RARB: variants seen among roughly 807,000 people sequenced by gnomAD.
RARB encodes the protein HBV-activated protein.
In RARB, 17 loss-of-function variants were observed where a neutral mutation model predicts 51.9. That is an observed-to-expected ratio of 0.33 (90% CI 0.22 to 0.49). RARB has a LOEUF of 0.49. RARB is among the 20% of genes least tolerant of loss of function. The pLI is 0.99. For missense variants in RARB, 369 were observed against 550.8 expected, an observed-to-expected ratio of 0.67 and a Z score of 3.30; for synonymous variants, 215 against 195.4, an observed-to-expected ratio of 1.10 and a Z score of -0.84.
intron 2 of RARB, among the ~76,000 whole-genome samples, chr3:24,973,512 A>T (rs981866000): frequency 3.3e-5 from 5 of 151,958 alleles, no homozygotes; most frequent in African/African-American, 1.2e-4. Context: ...TATAACTCAT[A>T]TTTTGTTAGG....
intron 5 of RARB, among the ~76,000 whole-genome samples, chr3:25,212,594 G>A (rs1039794049): frequency 6.6e-5 from 10 of 152,162 alleles, no homozygotes; most frequent in Admixed American, 1.3e-4. Flanking sequence ...CTCCAGCCTG[G>A]CAACAGAGCT....
intron 5 of RARB, among the ~76,000 whole-genome samples, chr3:25,176,066 C>T (rs536742777): frequency 2.5e-4 from 38 of 152,204 alleles, no homozygotes; most frequent in Middle Eastern, 3.4e-3. Flanking sequence ...TGTCTAATTC[C>T]GTTGCTCAAC....
chr3:25,442,420 C>T lies in RARB; in HGVS notation c.157+13532C>T, dbSNP rs144623479. 5.8e-3 allele frequency among the ~76,000 whole-genome samples: 878 copies of T among 152,348 alleles called. 11 individuals carry two copies. Among genetic ancestry groups the T allele is most frequent in the African/African-American group, 0.019 (808 of 41,580 alleles). On this transcript the variant is annotated intron_variant, in intron 1 of 7. Transcript: ENST00000330688. The stretch of plus-strand genomic sequence containing the variant: ...TAGTGCTGGGATTACAGGCGTGAGC[C>T]ACCACACCTGGCCAATTTTATTTTA...
At chr3:24,896,536 G>T (rs1193189539) in intron 2 of RARB, among the ~76,000 whole-genome samples, 3 of 152,172 alleles carry the variant, frequency 2.0e-5, no homozygotes, top group Non-Finnish European at 4.4e-5. Context: ...TGGGATTACA[G>T]GTGCCAGCCA....
chr3:24,836,086 A>C (rs2125328101), intron 1 of RARB, among the ~76,000 whole-genome samples: 1 of 152,328 alleles, frequency 6.6e-6, no homozygotes, highest in Middle Eastern at 3.4e-3. Flanking sequence ...TTAGGTAAGC[A>C]TGGTATAGTT....
chr3:25,527,966 G>A (rs1391097024), intron 3 of RARB, among the ~76,000 whole-genome samples: 1 of 152,234 alleles, frequency 6.6e-6, no homozygotes, highest in Non-Finnish European at 1.5e-5. Flanking sequence ...ACAAGGCCCT[G>A]CACAAAGCCA....
At chr3:25,460,431 T>C (rs546071721) in intron 1 of RARB, among the ~76,000 whole-genome samples, 1 of 99,362 alleles carries the variant, frequency 1.0e-5, no homozygotes, top group Admixed American at 8.9e-5. Context: ...TTAAAATTTT[T>C]ATTTATTTAT....
At position 25,061,329 on chromosome 3, in the gene RARB, TTGATG is replaced by T. The variant is rs1364769051; in HGVS notation, c.-328+1159_-328+1163del. On this transcript the variant is annotated intron_variant, in intron 3 of 11. Coordinates refer to the RARB transcript ENST00000383772. The stretch of plus-strand genomic sequence containing the variant: ...AAGTGTACTGGGAAGAAATAAGGAA[TTGATG>T]TGATGCTGCTTAACTATAAATTTCT... Among the ~76,000 whole-genome samples the T allele has an allele frequency of 9.9e-5, 15 of 151,990 alleles. No individual in the cohort carries two copies. The East Asian group carries it at 1.9e-3, about 20-fold the overall frequency.
intron 5 of RARB, among the ~76,000 whole-genome samples, chr3:25,374,114 A>G (rs1407616557): frequency 6.6e-6 from 1 of 152,174 alleles, no homozygotes; most frequent in African/African-American, 2.4e-5. Flanking sequence ...GAGCAGGGTG[A>G]ATGGTGAGGG....
At chr3:25,160,631 T>C (rs1700458910) in intron 4 of RARB, among the ~76,000 whole-genome samples, 1 of 152,232 alleles carries the variant, frequency 6.6e-6, no homozygotes, top group African/African-American at 2.4e-5. Flanking sequence ...AGGCTCAGCA[T>C]GGGTTGATGT....
chr3:24,890,965 G>A (rs1394088369), intron 2 of RARB, among the ~76,000 whole-genome samples: 1 of 152,064 alleles, frequency 6.6e-6, no homozygotes, highest in Admixed American at 6.5e-5. Flanking sequence ...AGGTATTATT[G>A]GATAGACACC....
chr3:25,514,714 A>G (rs549839419), intron 3 of RARB, among the ~76,000 whole-genome samples: 13 of 152,288 alleles, frequency 8.5e-5, no homozygotes, highest in African/African-American at 3.1e-4. Flanking sequence ...GAACTTAACT[A>G]GTGTTTGAAA....
chr3:25,245,475 A>G (rs1702536235), intron 5 of RARB, among the ~76,000 whole-genome samples: 1 of 152,076 alleles, frequency 6.6e-6, no homozygotes, highest in Admixed American at 6.5e-5. Flanking sequence ...TGTTTCCTTA[A>G]GGAGCTCTTG....
At chr3:25,339,973 G>A (rs1294486989) in intron 5 of RARB, among the ~76,000 whole-genome samples, 1 of 152,142 alleles carries the variant, frequency 6.6e-6, no homozygotes, top group Non-Finnish European at 1.5e-5. Context: ...GGTGACCCAA[G>A]TTTGAGCCAT....
intron 5 of RARB, among the ~76,000 whole-genome samples, chr3:25,391,258 T>C (rs1212923542): frequency 1.3e-5 from 2 of 152,192 alleles, no homozygotes; most frequent in Admixed American, 6.5e-5. Flanking sequence ...TAGTATTCCA[T>C]GGTATATATA....
intron 5 of RARB, among the ~76,000 whole-genome samples, chr3:25,196,897 G>A (rs534018058): frequency 8.5e-5 from 13 of 152,120 alleles, no homozygotes; most frequent in Middle Eastern, 6.8e-3. Flanking sequence ...CATATCCTTC[G>A]CCCACTTTTT....
At chr3:25,340,985 C>T (rs1198866399) in intron 5 of RARB, among the ~76,000 whole-genome samples, 2 of 152,086 alleles carry the variant, frequency 1.3e-5, no homozygotes, top group Non-Finnish European at 1.5e-5. Context: ...TCTGTATAAC[C>T]TCCTAGGTGC....
At chr3:24,999,859 C>A (rs953874665) in intron 2 of RARB, among the ~76,000 whole-genome samples, 1 of 151,734 alleles carries the variant, frequency 6.6e-6, no homozygotes, top group African/African-American at 2.4e-5. Context: ...GCAAAAATGG[C>A]CCCAGACAAC....
upstream of RARB, among the ~76,000 whole-genome samples, chr3:25,424,874 C>G (rs1056356307): frequency 1.3e-5 from 2 of 152,172 alleles, no homozygotes; most frequent in African/African-American, 4.8e-5. Flanking sequence ...TGGGTAATTG[C>G]TGTACGAAAA....
Sources: allele counts gnomAD v4.1 joint callset (sites outside exome capture counted in the v4.1 genomes callset), GRCh38; gene constraint gnomAD v4.1.1; transcripts MANE v1.5; gene names NCBI Gene and HGNC (gene_info 2026-07-23, HGNC 2026-07-21).